The following ARHGEF17 variants were observed in gnomAD, a reference collection of about 807,000 sequenced individuals.
ARHGEF17 encodes 164 kDa Rho-specific guanine-nucleotide exchange factor.
In ARHGEF17, 80 loss-of-function variants were observed where a neutral mutation model predicts 174.0. That is an observed-to-expected ratio of 0.46 (90% confidence interval 0.38 to 0.55). ARHGEF17 has a LOEUF of 0.55. Ranked by LOEUF, ARHGEF17 falls within the 20% of genes least tolerant of loss-of-function variation. ARHGEF17 has a pLI of 0.00. For missense variants in ARHGEF17, 2,886 were observed against 2,839.7 expected (o/e 1.02, Z -0.37); for synonymous variants, 1,311 against 1,189.1 (o/e 1.10, Z -2.11).
Position 73,308,602 on chromosome 11 carries a change from G to T in ARHGEF17, c.-37G>T. 1 of 1,405,040 alleles carries T rather than the reference G, an allele frequency of 7.1e-7. No individual in the cohort carries two copies. The allele number at this position is 1,405,040 out of a possible 1,614,324, so 87.0% of individuals were successfully genotyped here. A position where few individuals can be genotyped will look rare whatever the true frequency, so the allele number is the denominator to read the frequency against. ...GGCGCAGGGGGGGTTGGCCGCGGCT[G>T]CCCGAGGCCAGCCCCCCCGGAGTGA... On this transcript the variant is annotated 5_prime_UTR_variant, in exon 1 of 21. Transcript: ENST00000263674.
chr11:73,338,442 C>A (rs190333217), intron 1 of ARHGEF17, among the ~76,000 whole-genome samples: 177 of 152,300 alleles, frequency 1.2e-3, no homozygotes, highest in African/African-American at 4.2e-3. Flanking sequence ...AAATGGATAG[C>A]CCATTAGGTT....
At chr11:73,344,097 C>A (rs1352785364) in intron 1 of ARHGEF17, among the ~76,000 whole-genome samples, 1 of 152,206 alleles carries the variant, frequency 6.6e-6, no homozygotes, top group Non-Finnish European at 1.5e-5. Flanking sequence ...GTGCCCACCT[C>A]AGTGCCCGGT....
chr11:73,311,103 C>G lies in ARHGEF17; in HGVS notation c.2465C>G (p.Ala822Gly), dbSNP rs1591715127. 1.2e-6 allele frequency: 2 copies of G among 1,606,914 alleles called. No homozygotes were observed. Among genetic ancestry groups the G allele is most frequent in the African/African-American group, 1.3e-5 (1 of 74,780 alleles). Residue 822 changes from alanine to glycine, a missense_variant, in exon 1 of 21, where the codon GCC becomes GGC. Ala to Gly is a moderately conservative substitution (Grantham distance 60, BLOSUM62 0). Around this residue, in one of 4 missense-constraint regions of ARHGEF17, gnomAD observed 1,728 missense variants for 1,461.2 expected, o/e 1.18. Transcript: ENST00000263674. Reference protein sequence around the residue: ...RVVDDRIAGKAPKKKSLSDPS... With the variant: ...RVVDDRIAGKGPKKKSLSDPS... ...GTGGACGACAGGATTGCTGGCAAAG[C>G]CCCCAAGAAGAAATCCCTGAGTGAC...
At chr11:73,360,575 C>G (rs777398138) in intron 11 of ARHGEF17, 42 bp downstream of exon 11, 1 of 1,604,366 alleles carries the variant, frequency 6.2e-7, no homozygotes. Context: ...CTAGAGCTTC[C>G]AGGCAGGAGG....
At chr11:73,317,829 G>C (rs1864953436) in intron 1 of ARHGEF17, among the ~76,000 whole-genome samples, 2 of 152,186 alleles carry the variant, frequency 1.3e-5, no homozygotes, top group South Asian at 4.1e-4. Flanking sequence ...CAGCCCATGA[G>C]ATGCAGGGGT....
At position 73,364,163 on chromosome 11, in the gene ARHGEF17, C is replaced by T; in HGVS notation, c.5334-9C>T. 1.2e-6 allele frequency: 2 copies of T among 1,614,058 alleles called. No homozygotes were observed. Among genetic ancestry groups the T allele is most frequent in the Non-Finnish European group, 1.7e-6 (2 of 1,179,992 alleles). On this transcript the variant is annotated splice_polypyrimidine_tract_variant and intron_variant, in intron 16 of 20. Transcript: ENST00000263674. The stretch of plus-strand genomic sequence containing the variant: ...AACTCCCTTACTGCTTCCTCTTTTC[C>T]CTACCCAGGTATCTGAATAACCAGG...
At position 73,310,876 on chromosome 11, in the gene ARHGEF17, C is replaced by T; in HGVS notation, c.2238C>T (p.Thr746=). 1 of 1,612,566 alleles carries T rather than the reference C, an allele frequency of 6.2e-7. No individual in the cohort carries two copies. The highest frequency in any genetic ancestry group is 1.7e-5 in the Admixed American group (1 of 60,000). ...TTCCTCAGCGCCACCGGGCTGCCAC[C>T]TCTGAAGAGCCTACTGGGTTCTCTG... ...DPIPQRHRAA[T]SEEPTGFSVD... The change falls in exon 1 of 21, where the codon ACC becomes ACT. Residue 746 remains threonine (T), a synonymous_variant. Transcript: ENST00000263674.
intron 16 of ARHGEF17, 86 bp from the exon 17 acceptor site, chr11:73,364,086 C>G (rs955773584): frequency 4.3e-6 from 6 of 1,388,952 alleles, no homozygotes; most frequent in Non-Finnish European, 6.1e-6. Flanking sequence ...GGGAGCCATA[C>G]CCATTCTATC....
intron 1 of ARHGEF17, among the ~76,000 whole-genome samples, chr11:73,323,624 G>A (rs574972302): frequency 1.4e-3 from 215 of 152,266 alleles, no homozygotes; most frequent in Middle Eastern, 6.8e-3. Context: ...AGCTCCTGCC[G>A]CTCCTGGGCC....
rs558565073 is a variant in ARHGEF17, at chr11:73,310,726, G to C, written c.2088G>C (p.Ser696=). Residue 696 remains serine, a synonymous_variant, in exon 1 of 21, where the codon TCG becomes TCC. Coordinates refer to ENST00000263674, the MANE Select transcript of ARHGEF17 (RefSeq NM_014786.4). ...EDSLGGWALV[S]PETPPTPGAL... ...GTCTGGGCGGGTGGGCCCTGGTGTCGCCTGAGACCCCTCCCACACCAGGTG... is the reference window on the plus strand; with the variant it reads ...GTCTGGGCGGGTGGGCCCTGGTGTCCCCTGAGACCCCTCCCACACCAGGTG... The C allele has an allele frequency of 6.2e-7, 1 of 1,612,164 alleles. No homozygotes were observed. Among genetic ancestry groups the C allele is most frequent in the Non-Finnish European group, 8.5e-7 (1 of 1,179,062 alleles).
intron 1 of ARHGEF17, among the ~76,000 whole-genome samples, chr11:73,334,282 C>G (rs1865253829): frequency 6.6e-6 from 1 of 152,144 alleles, no homozygotes; most frequent in Non-Finnish European, 1.5e-5. Flanking sequence ...AAAGAAACTT[C>G]CAGGAAGAGG....
intron 1 of ARHGEF17, among the ~76,000 whole-genome samples, chr11:73,339,421 ATTTCATCC>A (rs1287873749): frequency 3.9e-5 from 6 of 152,002 alleles, no homozygotes; most frequent in Non-Finnish European, 5.9e-5. Flanking sequence ...ATTTATCATG[ATTTCATCC>A]TTTCATCCTT....
intron 1 of ARHGEF17, among the ~76,000 whole-genome samples, chr11:73,315,895 C>A (rs1223732572): frequency 2.0e-5 from 3 of 152,176 alleles, no homozygotes; most frequent in Non-Finnish European, 4.4e-5. Flanking sequence ...TGTCCCCAGC[C>A]CCCTCTCCCC....
chr11:73,320,089 A>G (rs116516674), intron 1 of ARHGEF17, among the ~76,000 whole-genome samples: 1 of 124,582 alleles, frequency 8.0e-6, no homozygotes, highest in Non-Finnish European at 1.7e-5. Context: ...AAGAAACCCC[A>G]TGTTCTGGGA....
chr11:73,364,065 G>A, intron 16 of ARHGEF17, 107 bp from the exon 17 acceptor site: 3 of 1,228,350 alleles, frequency 2.4e-6, no homozygotes, highest in Non-Finnish European at 3.5e-6. Flanking sequence ...GGTGGGAAGA[G>A]GTGGCCTCTC....
intron 18 of ARHGEF17, 142 bp downstream of exon 18, chr11:73,364,742 A>C: frequency 9.3e-7 from 1 of 1,072,792 alleles, no homozygotes; most frequent in East Asian, 2.7e-5. Flanking sequence ...GACGCTGGCC[A>C]GTCCCTGTCC....
At chr11:73,355,736 T>C in intron 4 of ARHGEF17, 87 bp downstream of exon 4, 1 of 1,556,888 alleles carries the variant, frequency 6.4e-7, no homozygotes, top group Middle Eastern at 1.7e-4. Flanking sequence ...GTGGGTACCA[T>C]AGTCCCAGCC....
chr11:73,322,466 G>T (rs1218394993), intron 1 of ARHGEF17, among the ~76,000 whole-genome samples: 1 of 152,240 alleles, frequency 6.6e-6, no homozygotes, highest in African/African-American at 2.4e-5. Context: ...ACACAGTAGT[G>T]GACTAGAGCC....
chr11:73,366,749 T>C (rs1865846003), intron 20 of ARHGEF17, among the ~76,000 whole-genome samples: 1 of 150,424 alleles, frequency 6.6e-6, no homozygotes, highest in South Asian at 2.1e-4. Context: ...AAAATAAAAA[T>C]AAAAATATGG....
Sources: allele counts gnomAD v4.1 joint callset (sites outside exome capture counted in the v4.1 genomes callset), GRCh38; gene constraint gnomAD v4.1.1; regional missense constraint gnomAD v4.1.1; transcripts MANE v1.5; gene names NCBI Gene and HGNC (gene_info 2026-07-23, HGNC 2026-07-21).